The following SLC1A6 variants were observed in gnomAD, a reference collection of about 807,000 sequenced individuals.
SLC1A6 encodes the protein excitatory amino acid transporter 4.
A neutral mutation model predicts 42.1 loss-of-function variants in SLC1A6; 15 were observed. The ratio of observed to expected loss-of-function variants is 0.36; its 90% CI spans 0.24 to 0.55. The LOEUF (loss-of-function observed/expected upper bound fraction) is 0.55, where lower values mean the gene tolerates loss of function less well. Among genes scored for constraint, SLC1A6 ranks in the 20% least tolerant of loss-of-function variants. SLC1A6 has a pLI of 0.88. For synonymous variants in SLC1A6, 317 were observed against 319.7 expected, an observed-to-expected ratio of 0.99 and a Z score of 0.09; for missense variants, 542 against 772.5, an observed-to-expected ratio of 0.70 and a Z score of 3.54.
chr19:14,988,529 A>G (rs2045803541), intron 1 of SLC1A6, among the ~76,000 whole-genome samples: 2 of 152,248 alleles, frequency 1.3e-5, no homozygotes, highest in African/African-American at 4.8e-5. Context: ...GGTTCATGAA[A>G]GAAAAAATGC....
At chr19:15,000,484 G>T (rs904115820) in intron 1 of SLC1A6, among the ~76,000 whole-genome samples, 1 of 152,090 alleles carries the variant, frequency 6.6e-6, no homozygotes, top group African/African-American at 2.4e-5. Context: ...TTGTGCCTGG[G>T]TTATTTCATT....
rs966856934 is a variant in SLC1A6 at position 14,976,410 on chromosome 19, T to C, written c.-8+2899A>G. Among the ~76,000 whole-genome samples the C allele has an allele frequency of 2.6e-5, 4 of 152,358 alleles. 1 individual carries two copies. Among genetic ancestry groups the C allele is most frequent in the Admixed American group, 2.6e-4 (4 of 15,294 alleles). On this transcript the variant is annotated intron_variant, in intron 1 of 9. Transcript: ENST00000594383. ...ATTGTTGATTACAGTATTTTATCTA[T>C]GTTTCATTATGTATATCATGGAATA...
At chr19:14,984,297 C>T (rs917821028), upstream of SLC1A6, among the ~76,000 whole-genome samples, 1 of 152,050 alleles carries the variant, frequency 6.6e-6, no homozygotes, top group Non-Finnish European at 1.5e-5. Context: ...CGTGCCATTG[C>T]CCTCCAGCCT....
At chr19:14,963,218 T>G (rs1275301848) in intron 5 of SLC1A6, among the ~76,000 whole-genome samples, 3 of 152,190 alleles carry the variant, frequency 2.0e-5, no homozygotes, top group Non-Finnish European at 4.4e-5. Flanking sequence ...AGACAAATAT[T>G]GCATGCTCTC....
chr19:14,989,765 G>GA (rs199696144), intron 1 of SLC1A6, among the ~76,000 whole-genome samples: 25,830 of 118,682 alleles, frequency 0.22, 3,100 homozygotes, highest in African/African-American at 0.4. Context: ...GGGGTGGGGT[G>GA]TGGATCACCT....
chr19:14,954,398 G>A, intron 7 of SLC1A6, 69 bp from the exon 8 acceptor site: 2 of 1,391,368 alleles, frequency 1.4e-6, no homozygotes, highest in Non-Finnish European at 2.0e-6. Flanking sequence ...AACAGGGTGT[G>A]GCCTAGTGGG....
intron 7 of SLC1A6, among the ~76,000 whole-genome samples, chr19:14,956,104 G>A (rs571168061): frequency 6.6e-6 from 1 of 152,168 alleles, no homozygotes; most frequent in African/African-American, 2.4e-5. Flanking sequence ...AGGGGAAGAA[G>A]AAGGAGGAGG....
chr19:14,950,525 C>A, intron 9 of SLC1A6, 135 bp from the exon 10 acceptor site: 1 of 525,746 alleles, frequency 1.9e-6, no homozygotes, highest in Middle Eastern at 5.1e-4. Flanking sequence ...ACCACATGTC[C>A]CCAAGCAGGT....
chr19:14,995,542 C>T (rs558586723), intron 1 of SLC1A6, among the ~76,000 whole-genome samples: 4 of 151,800 alleles, frequency 2.6e-5, no homozygotes, highest in East Asian at 3.9e-4. Context: ...TCAAAAAATG[C>T]GAAGCGAACA....
chr19:14,998,870 T>G (rs1446828489), intron 1 of SLC1A6, among the ~76,000 whole-genome samples: 1 of 149,262 alleles, frequency 6.7e-6, no homozygotes, highest in Non-Finnish European at 1.5e-5. Flanking sequence ...ATTTATTTAT[T>G]TATTTATTTA....
intron 4 of SLC1A6, among the ~76,000 whole-genome samples, 154 bp downstream of exon 4, chr19:14,968,149 C>T (rs1192630278): frequency 6.6e-6 from 1 of 152,214 alleles, no homozygotes; most frequent in Non-Finnish European, 1.5e-5. Context: ...AGCTCCTACT[C>T]CAACCCCTCC....
At chr19:14,955,986 T>G (rs185768326) in intron 7 of SLC1A6, among the ~76,000 whole-genome samples, 1 of 152,150 alleles carries the variant, frequency 6.6e-6, no homozygotes, top group Non-Finnish European at 1.5e-5. Flanking sequence ...GTGCTACTTT[T>G]CAAATTTGTT....
intron 3 of SLC1A6, among the ~76,000 whole-genome samples, chr19:14,970,163 G>A (rs1478502251): frequency 1.3e-5 from 2 of 152,120 alleles, no homozygotes; most frequent in East Asian, 3.9e-4. Context: ...GCAGCCTCCT[G>A]GGTTCAAGTG....
chr19:14,966,859 C>A (rs977652160), intron 4 of SLC1A6, among the ~76,000 whole-genome samples: 9 of 151,996 alleles, frequency 5.9e-5, no homozygotes, highest in Non-Finnish European at 1.3e-4. Context: ...GGGAACATCA[C>A]ACCCTGGGGC....
At chr19:14,958,948 G>T (rs1342901706) in intron 6 of SLC1A6, among the ~76,000 whole-genome samples, 1 of 152,114 alleles carries the variant, frequency 6.6e-6, no homozygotes, top group Non-Finnish European at 1.5e-5. Context: ...GAAAGTAAAA[G>T]TTCGTCTTCA....
rs2045753603 is a variant in SLC1A6 at position 14,979,766 on chromosome 19, GA to G, written c.-466del. The G allele has an allele frequency of 4.0e-5, 6 of 151,194 alleles. No individual in the cohort carries two copies. Among genetic ancestry groups the G allele is most frequent in the Admixed American group, 2.6e-4 (4 of 15,196 alleles). 9.4% of individuals were successfully genotyped at this position (151,194 alleles called of 1,614,324 possible). A position where few individuals can be genotyped will look rare whatever the true frequency, so the allele number is the denominator to read the frequency against. On this transcript the variant is annotated 5_prime_UTR_variant, in exon 1 of 10. Coordinates refer to ENST00000594383, the MANE Select transcript of SLC1A6 (RefSeq NM_005071.3). This position sits in a 1 kb window ranked among gnomAD's most constrained non-coding sequence, Gnocchi z 4.2. Reference sequence around the variant, plus strand: ...ACCGAGCGGCCGGGGGAGGGGGCGGGATCCCCTCCGCGATGCCCTCCGCCTC... The same window carrying G: ...ACCGAGCGGCCGGGGGAGGGGGCGGGTCCCCTCCGCGATGCCCTCCGCCTC...
intron 4 of SLC1A6, 63 bp downstream of exon 4, chr19:14,968,240 T>A (rs2045595884): frequency 7.4e-7 from 1 of 1,350,978 alleles, no homozygotes; most frequent in Non-Finnish European, 1.0e-6. Context: ...GGCTATAATC[T>A]TTTACAATAA....
At chr19:14,952,699 A>AT (rs984941153) in intron 9 of SLC1A6, among the ~76,000 whole-genome samples, 3 of 152,154 alleles carry the variant, frequency 2.0e-5, no homozygotes, top group Admixed American at 2.0e-4. Flanking sequence ...TTTCTGCCTG[A>AT]TAGGTAAAGC....
intron 1 of SLC1A6, among the ~76,000 whole-genome samples, chr19:14,994,207 T>C (rs1207896065): frequency 1.3e-5 from 2 of 152,046 alleles, no homozygotes; most frequent in Non-Finnish European, 1.5e-5. Context: ...CTCTGTCTTC[T>C]GGTTGGCTTC....
Sources: allele counts gnomAD v4.1 joint callset (sites outside exome capture counted in the v4.1 genomes callset), GRCh38; gene constraint gnomAD v4.1.1; non-coding constraint Gnocchi (gnomAD v3.1); transcripts MANE v1.5; gene names NCBI Gene and HGNC (gene_info 2026-07-23, HGNC 2026-07-21).